The following LNX1 variants were observed in gnomAD, a reference collection of about 807,000 sequenced individuals.
The protein encoded by LNX1 is E3 ubiquitin-protein ligase LNX.
Under a neutral mutation model 68.4 loss-of-function variants are expected in LNX1, and 54 were observed. The observed-to-expected ratio is 0.79, with a 90% CI of 0.63 to 0.99. The LOEUF is 0.99. Among genes scored for constraint, LNX1 ranks in the 50% least tolerant of loss-of-function variants. The pLI, the probability that LNX1 is intolerant of heterozygous loss-of-function variation, is 0.00. For synonymous variants in LNX1, 336 were observed against 350.0 expected, an observed-to-expected ratio of 0.96 and a Z score of 0.45; for missense variants, 906 against 926.4, an observed-to-expected ratio of 0.98 and a Z score of 0.29.
rs754508636 is a variant in LNX1, at chr4:53,511,698, G to T, written c.381-3471C>A. ...TGGGGTTGGAGGGGGGATAAGGAAA[G>T]AAAATGAATCTCCTTCCTGCAAAAC... On this transcript the variant is annotated intron_variant, in intron 2 of 10. Transcript: ENST00000263925. Among the ~76,000 whole-genome samples, 161 of 152,142 alleles carry T rather than the reference G, an allele frequency of 1.1e-3. 3 individuals carry two copies. The highest frequency in any genetic ancestry group is 3.2e-4 in the Non-Finnish European group (22 of 68,024).
At chr4:53,487,616 A>G (rs1451959541) in intron 6 of LNX1, among the ~76,000 whole-genome samples, 2 of 152,212 alleles carry the variant, frequency 1.3e-5, no homozygotes, top group Admixed American at 1.3e-4. Flanking sequence ...CAAAGTAGGC[A>G]GACCATGTAC....
At chr4:53,498,524 C>T in intron 5 of LNX1, 117 bp downstream of exon 5, 1 of 711,080 alleles carries the variant, frequency 1.4e-6, no homozygotes, top group Non-Finnish European at 2.5e-6. Context: ...TAGAAAGTCA[C>T]TATCCACATT....
chr4:53,645,883 T>C (rs1484850756), intron 1 of LNX1, among the ~76,000 whole-genome samples: 1 of 152,224 alleles, frequency 6.6e-6, no homozygotes, highest in South Asian at 2.1e-4. Flanking sequence ...AGGATATTGA[T>C]TACTATTTCA....
intron 2 of LNX1, among the ~76,000 whole-genome samples, chr4:53,615,048 T>C: frequency 6.6e-6 from 1 of 152,042 alleles, no homozygotes; most frequent in Non-Finnish European, 1.5e-5. Flanking sequence ...ACCCTAGTTT[T>C]GTCATGATGC....
intron 2 of LNX1, among the ~76,000 whole-genome samples, chr4:53,609,863 T>A (rs1733408708): frequency 1.3e-5 from 2 of 148,604 alleles, no homozygotes; most frequent in African/African-American, 4.9e-5. Context: ...GTAATTTAGA[T>A]AGCATTATAT....
Position 53,629,152 on chromosome 4 carries a change from A to C in LNX1, c.-215+23016T>G, listed in dbSNP as rs1341747810. 3.3e-5 allele frequency among the ~76,000 whole-genome samples: 5 copies of C among 152,236 alleles called. No individual in the cohort carries two copies. The East Asian group carries it at 9.6e-4, about 29-fold the overall frequency. ...AATAAATGTGAAAAACAGACCACAA[A>C]CAAAAAGTCTCTTCTTGAGACACTG... On this transcript the variant is annotated intron_variant, in intron 1 of 2. Transcript: ENST00000507168.
At chr4:53,635,348 C>T (rs529605951) in intron 1 of LNX1, among the ~76,000 whole-genome samples, 1 of 152,274 alleles carries the variant, frequency 6.6e-6, no homozygotes, top group Admixed American at 6.5e-5. Flanking sequence ...AACAAAATTC[C>T]TCTTCCTTTA....
chr4:53,501,304 GT>G lies in LNX1; in HGVS notation c.776-2462del, dbSNP rs1308063982. The stretch of plus-strand genomic sequence containing the variant: ...ATCTTTTTTTTTTTTTTTTTTGGGG[GT>G]GGGGGGACAGGATCTCACTCTGTCA... On this transcript the variant is annotated intron_variant, in intron 4 of 10. Transcript: ENST00000263925. Among the ~76,000 whole-genome samples, 22 of 75,174 alleles carry G rather than the reference GT, an allele frequency of 2.9e-4. 2 individuals are homozygous for G. The highest frequency in any genetic ancestry group is 8.3e-4 in the South Asian group (2 of 2,418). 49.3% of individuals were successfully genotyped at this position (75,174 alleles called of 152,430 possible).
intron 1 of LNX1, among the ~76,000 whole-genome samples, chr4:53,641,750 AG>A (rs1300556126): frequency 6.6e-6 from 1 of 152,236 alleles, no homozygotes; most frequent in Non-Finnish European, 1.5e-5. Flanking sequence ...TGCACATTCC[AG>A]AACTCCATAT....
At chr4:53,507,863 G>A in intron 3 of LNX1, 123 bp downstream of exon 3, 1 of 1,317,488 alleles carries the variant, frequency 7.6e-7, no homozygotes, top group Non-Finnish European at 1.0e-6. Flanking sequence ...TTGGGTTCCT[G>A]CCAAAACTAC....
chr4:53,630,576 CAAG>C (rs1734232026), intron 1 of LNX1, among the ~76,000 whole-genome samples: 2 of 152,078 alleles, frequency 1.3e-5, no homozygotes, highest in African/African-American at 4.8e-5. Context: ...TTCCTAAGTG[CAAG>C]AAGGCTGTGA....
At chr4:53,574,987 T>C (rs1011122423) in intron 1 of LNX1, among the ~76,000 whole-genome samples, 1 of 152,142 alleles carries the variant, frequency 6.6e-6, no homozygotes, top group Non-Finnish European at 1.5e-5. Flanking sequence ...ATTTCGTTTT[T>C]TTTTTTTCTT....
chr4:53,505,347 T>G (rs1725801129), intron 4 of LNX1, among the ~76,000 whole-genome samples: 2 of 151,504 alleles, frequency 1.3e-5, no homozygotes, highest in Non-Finnish European at 2.9e-5. Context: ...GCCTCCCAGG[T>G]TCAAGCAATT....
intron 4 of LNX1, among the ~76,000 whole-genome samples, chr4:53,504,998 A>G (rs550462119): frequency 6.6e-6 from 1 of 152,336 alleles, no homozygotes; most frequent in East Asian, 1.9e-4. Flanking sequence ...TGACACAGAG[A>G]CATGAAGTGA....
At chr4:53,516,912 C>T (rs1402629877) in intron 2 of LNX1, among the ~76,000 whole-genome samples, 1 of 151,632 alleles carries the variant, frequency 6.6e-6, no homozygotes, top group Non-Finnish European at 1.5e-5. Flanking sequence ...GGCTCGCAGT[C>T]AGCTCCTTGC....
chr4:53,511,115 T>A (rs548411337), intron 2 of LNX1, among the ~76,000 whole-genome samples: 128 of 152,276 alleles, frequency 8.4e-4, no homozygotes, highest in African/African-American at 3.0e-3. Flanking sequence ...AGGGTGCAGA[T>A]TCTTGATTTA....
At chr4:53,610,662 C>T (rs1167088358) in intron 2 of LNX1, among the ~76,000 whole-genome samples, 2 of 144,568 alleles carry the variant, frequency 1.4e-5, no homozygotes, top group Non-Finnish European at 3.0e-5. Context: ...GAGCCGAGAT[C>T]GCACCACTGT....
rs189440523 is a variant in LNX1 at position 53,635,676 on chromosome 4, C to T, written c.-215+16492G>A. Among the ~76,000 whole-genome samples the T allele has an allele frequency of 2.6e-5, 4 of 152,236 alleles. No homozygotes were observed. The East Asian group carries it at 5.8e-4, about 22-fold the overall frequency. On this transcript the variant is annotated intron_variant, in intron 1 of 2. Transcript: ENST00000507168. The stretch of plus-strand genomic sequence containing the variant: ...ATGATTCTATGCAACTCATGAAAAA[C>T]AAGCCATTTTATATACAAAACAGGA...
At chr4:53,521,196 G>T (rs1197709662) in intron 2 of LNX1, among the ~76,000 whole-genome samples, 1 of 152,152 alleles carries the variant, frequency 6.6e-6, no homozygotes, top group Non-Finnish European at 1.5e-5. Context: ...TTTGAAAGCA[G>T]CCTGGGTTTT....
Sources: allele counts gnomAD v4.1 joint callset (sites outside exome capture counted in the v4.1 genomes callset), GRCh38; gene constraint gnomAD v4.1.1; transcripts MANE v1.5; gene names NCBI Gene and HGNC (gene_info 2026-07-23, HGNC 2026-07-21).